Variants in ZBTB20 observed in about 807,000 individuals in gnomAD.
The protein encoded by ZBTB20 is zinc finger and BTB domain containing 20, also known as zinc finger and BTB domain-containing protein 20.
A neutral mutation model predicts 56.9 loss-of-function variants in ZBTB20; 9 were observed. The ratio of observed to expected loss-of-function variants is 0.16; its 90% CI spans 0.10 to 0.28. The LOEUF is 0.28. Ranked by LOEUF, ZBTB20 falls within the 10% of genes least tolerant of loss-of-function variation. ZBTB20 has a pLI of 1.00. For missense variants in ZBTB20, 655 were observed against 1,003.0 expected, an observed-to-expected ratio of 0.65 and a Z score of 4.69; for synonymous variants, 417 against 420.7, an observed-to-expected ratio of 0.99 and a Z score of 0.11.
chr3:114,366,136 C>T (rs571510673), intron 10 of ZBTB20, among the ~76,000 whole-genome samples: 38 of 152,278 alleles, frequency 2.5e-4, no homozygotes, highest in African/African-American at 8.7e-4. Flanking sequence ...AACAAGATTC[C>T]GCCCTCCTGA....
chr3:114,589,786 T>C (rs2055555107), intron 6 of ZBTB20, among the ~76,000 whole-genome samples: 1 of 152,210 alleles, frequency 6.6e-6, no homozygotes, highest in Non-Finnish European at 1.5e-5. Flanking sequence ...CTTCAGTTCC[T>C]AGAAAAGTGC....
chr3:114,348,836 A>T (rs2080406045), intron 11 of ZBTB20, among the ~76,000 whole-genome samples: 1 of 152,172 alleles, frequency 6.6e-6, no homozygotes, highest in Non-Finnish European at 1.5e-5. Flanking sequence ...GTTTTGAGAA[A>T]CTAATTTGTT....
chr3:114,720,014 G>A (rs1279025535), intron 5 of ZBTB20, among the ~76,000 whole-genome samples: 1 of 151,464 alleles, frequency 6.6e-6, no homozygotes, highest in East Asian at 1.9e-4. Context: ...CAAGAGAGGT[G>A]TAGGATTGAA....
At chr3:114,638,863 C>T (rs2107895368) in intron 6 of ZBTB20, among the ~76,000 whole-genome samples, 1 of 152,052 alleles carries the variant, frequency 6.6e-6, no homozygotes, top group African/African-American at 2.4e-5. Context: ...AATAAGCCCC[C>T]AAATGATAAA....
chr3:114,316,098 G>A lies in ZBTB20; in HGVS notation c.*22907C>T, dbSNP rs2078674682. 3 of 242,292 alleles carry A rather than the reference G, an allele frequency of 1.2e-5. No individual in the cohort carries two copies. The highest frequency in any genetic ancestry group is 2.4e-5 in the Non-Finnish European group (3 of 126,020). 15.0% of individuals were successfully genotyped at this position (242,292 alleles called of 1,614,324 possible). ...AAAGGGCTTTCACTGTAGTAGTTTT[G>A]TTCAGTTTGTTGTGGGTGACGAGTT... On this transcript the variant is annotated 3_prime_UTR_variant, in exon 12 of 12. Transcript: ENST00000675478.
At chr3:114,835,923 A>G (rs1387865750) in intron 4 of ZBTB20, among the ~76,000 whole-genome samples, 1 of 152,232 alleles carries the variant, frequency 6.6e-6, no homozygotes, top group African/African-American at 2.4e-5. Flanking sequence ...CTTAGGGAAC[A>G]AATGCACCTA....
At chr3:114,628,212 T>C (rs1399195105) in intron 6 of ZBTB20, among the ~76,000 whole-genome samples, 1 of 152,230 alleles carries the variant, frequency 6.6e-6, no homozygotes, top group Non-Finnish European at 1.5e-5. Context: ...CTTCATTTAC[T>C]AGTTGGTATT....
At chr3:114,497,291 C>T (rs1205294742) in intron 7 of ZBTB20, among the ~76,000 whole-genome samples, 1 of 152,144 alleles carries the variant, frequency 6.6e-6, no homozygotes, top group Non-Finnish European at 1.5e-5. Context: ...GCTTACAATT[C>T]TTCAAAGCCT....
At chr3:114,509,909 G>C (rs946593366) in intron 6 of ZBTB20, among the ~76,000 whole-genome samples, 1 of 152,154 alleles carries the variant, frequency 6.6e-6, no homozygotes, top group African/African-American at 2.4e-5. Context: ...TCCAGGGATC[G>C]AGGATGTTTT....
chr3:115,000,187 T>C (rs1275529228), intron 2 of ZBTB20, among the ~76,000 whole-genome samples: 1 of 151,616 alleles, frequency 6.6e-6, no homozygotes, highest in Non-Finnish European at 1.5e-5. Context: ...AGGCAAATTC[T>C]TCTGGTTTTT....
intron 7 of ZBTB20, among the ~76,000 whole-genome samples, chr3:114,392,653 C>T (rs1284544330): frequency 6.6e-6 from 1 of 152,144 alleles, no homozygotes; most frequent in Non-Finnish European, 1.5e-5. Flanking sequence ...TAGCCTAGTA[C>T]TCATTCTCTA....
Position 114,883,471 on chromosome 3 carries a change from C to T in ZBTB20, c.-417+16833G>A, listed in dbSNP as rs567683039. Among the ~76,000 whole-genome samples the T allele has an allele frequency of 3.9e-5, 6 of 152,252 alleles. No individual in the cohort carries two copies. In the South Asian group the frequency reaches 1.2e-3, roughly 32 times the overall value. ...CACGAAGCTGACTTGTTGAATCTAA[C>T]CTTGATTAATGCTCTCATATATACA... On this transcript the variant is annotated intron_variant, in intron 4 of 11. Transcript: ENST00000675478.
intron 3 of ZBTB20, among the ~76,000 whole-genome samples, chr3:114,905,671 T>C (rs577288509): frequency 3.3e-5 from 5 of 152,050 alleles, no homozygotes; most frequent in Admixed American, 3.3e-4. Context: ...TTATTCCCAA[T>C]CTTTAAAGGA....
chr3:114,796,385 G>T (rs2071345446), intron 5 of ZBTB20, among the ~76,000 whole-genome samples: 1 of 151,908 alleles, frequency 6.6e-6, no homozygotes, highest in African/African-American at 2.4e-5. Context: ...CTAAGAAATG[G>T]GATCAGAGTT....
At chr3:114,888,028 T>C (rs1276545766) in intron 4 of ZBTB20, among the ~76,000 whole-genome samples, 1 of 151,212 alleles carries the variant, frequency 6.6e-6, no homozygotes, top group Admixed American at 6.6e-5. Flanking sequence ...CCAAAAGTGA[T>C]GCAACATCTT....
At chr3:114,422,763 G>A (rs1458461380) in intron 7 of ZBTB20, among the ~76,000 whole-genome samples, 1 of 152,094 alleles carries the variant, frequency 6.6e-6, no homozygotes, top group Non-Finnish European at 1.5e-5. Context: ...ACCTTACAGA[G>A]CCTCAATTTT....
intron 5 of ZBTB20, among the ~76,000 whole-genome samples, chr3:114,740,851 CAGA>C (rs1422009054): frequency 3.9e-5 from 6 of 152,072 alleles, no homozygotes; most frequent in Non-Finnish European, 8.8e-5. Context: ...TTGATTTGTC[CAGA>C]AGAAGGAACT....
chr3:114,942,135 C>T lies in ZBTB20; in HGVS notation c.-456+32231G>A, dbSNP rs756788756. On this transcript the variant is annotated intron_variant, in intron 3 of 11. Coordinates refer to ENST00000675478, the MANE Select transcript of ZBTB20 (RefSeq NM_001348800.3). ...TTATGACACAGTTAAGCATTAGTCACAGTTTAATAAATAATTTCGTTATAG... is the reference window on the plus strand; with the variant it reads ...TTATGACACAGTTAAGCATTAGTCATAGTTTAATAAATAATTTCGTTATAG... Among the ~76,000 whole-genome samples, 2 of 145,850 alleles carry T rather than the reference C, an allele frequency of 1.4e-5. 1 individual carries two copies. The highest frequency in any genetic ancestry group is 4.3e-4 in the South Asian group (2 of 4,688).
At chr3:114,380,196 T>C (rs1043044060) in intron 10 of ZBTB20, 21 bp downstream of exon 10, 2 of 1,519,520 alleles carry the variant, frequency 1.3e-6, no homozygotes, top group South Asian at 2.5e-5. Flanking sequence ...AAAGACACCA[T>C]CACCTTAGTG....
Sources: gnomAD v4.1 joint callset for allele counts (sites outside exome capture counted in the v4.1 genomes callset) on GRCh38, gnomAD v4.1.1 for gene constraint, MANE v1.5 for transcripts, NCBI Gene and HGNC (gene_info 2026-07-23, HGNC 2026-07-21) for gene names.